RERE: variants seen among roughly 807,000 people sequenced by gnomAD.
The protein encoded by RERE is arginine-glutamic acid dipeptide repeats protein.
A neutral mutation model predicts 146.1 loss-of-function variants in RERE; 40 were observed. The observed-to-expected ratio is 0.27, with a 90% confidence interval of 0.21 to 0.36. RERE has a LOEUF of 0.36. Among genes scored for constraint, RERE ranks in the 10% least tolerant of loss-of-function variants. The probability of loss-of-function intolerance (pLI) is 1.00; values close to 1 mark genes in which losing one functional copy is unlikely to be tolerated. For missense variants in RERE, 1,933 were observed against 2,138.7 expected (o/e 0.90, Z 1.90); for synonymous variants, 1,003 against 866.0 (o/e 1.16, Z -2.78).
chr1:8,386,114 G>T (rs1409416727), intron 12 of RERE, among the ~76,000 whole-genome samples: 10 of 126,492 alleles, frequency 7.9e-5, no homozygotes, highest in African/African-American at 3.0e-4. Flanking sequence ...TGTAGGTGAA[G>T]ACAAAAATTT....
At chr1:8,788,407 C>T (rs1641299334) in intron 1 of RERE, among the ~76,000 whole-genome samples, 2 of 150,002 alleles carry the variant, frequency 1.3e-5, no homozygotes, top group South Asian at 4.2e-4. Context: ...TCTTGTTGCC[C>T]AGGCTGGAGC....
chr1:8,570,114 G>A (rs897515507), intron 4 of RERE, among the ~76,000 whole-genome samples: 5 of 152,070 alleles, frequency 3.3e-5, no homozygotes, highest in Admixed American at 1.3e-4. Context: ...TGAGGCGGGC[G>A]GATCACGAGG....
rs115826236 is a variant in RERE, at chr1:8,596,014, C to G, written c.522+18547G>C. Among the ~76,000 whole-genome samples the G allele has an allele frequency of 8.0e-3, 1,215 of 152,292 alleles. 13 individuals are homozygous for G. Among genetic ancestry groups the G allele is most frequent in the African/African-American group, 0.028 (1,161 of 41,552 alleles). On this transcript the variant is annotated intron_variant, in intron 4 of 22. Transcript: ENST00000400908. ...AGGCCCACAGGCCATGTCCAGACACCACCTGGACTCTACTGATCCACTAGA... is the reference window on the plus strand; with the variant it reads ...AGGCCCACAGGCCATGTCCAGACACGACCTGGACTCTACTGATCCACTAGA...
At chr1:8,551,327 A>AGATCCTTG (rs1274596295) in intron 6 of RERE, among the ~76,000 whole-genome samples, 1 of 152,202 alleles carries the variant, frequency 6.6e-6, no homozygotes, top group African/African-American at 2.4e-5. Flanking sequence ...CAATCACTCC[A>AGATCCTTG]GATCCTTGGA....
At chr1:8,775,949 C>T (rs1356566603) in intron 1 of RERE, among the ~76,000 whole-genome samples, 3 of 152,170 alleles carry the variant, frequency 2.0e-5, no homozygotes, top group East Asian at 3.9e-4. Context: ...TAAACCCAGG[C>T]GGTCTTGGAT....
At chr1:8,571,411 A>G (rs1020054119) in intron 4 of RERE, among the ~76,000 whole-genome samples, 5 of 152,316 alleles carry the variant, frequency 3.3e-5, no homozygotes, top group Admixed American at 2.6e-4. Context: ...AGCAACACAA[A>G]TATTTGCACT....
intron 1 of RERE, among the ~76,000 whole-genome samples, chr1:8,792,994 TACA>T (rs2124577926): frequency 6.6e-6 from 1 of 151,756 alleles, no homozygotes; most frequent in East Asian, 1.9e-4. Context: ...CCGTTTCTAC[TACA>T]AATACAAAAA....
chr1:8,500,057 G>T (rs1645108972), intron 8 of RERE, among the ~76,000 whole-genome samples: 1 of 152,170 alleles, frequency 6.6e-6, no homozygotes, highest in Non-Finnish European at 1.5e-5. Context: ...GGAGGCGGAG[G>T]TTCCCGTGAG....
At chr1:8,765,883 C>T (rs1443172865) in intron 1 of RERE, among the ~76,000 whole-genome samples, 2 of 152,028 alleles carry the variant, frequency 1.3e-5, no homozygotes, top group Non-Finnish European at 1.5e-5. Flanking sequence ...ACCAGGGAGT[C>T]GGAGGTTGCA....
chr1:8,371,088 G>A (rs1185867910), intron 12 of RERE, among the ~76,000 whole-genome samples: 1 of 152,218 alleles, frequency 6.6e-6, no homozygotes, highest in East Asian at 1.9e-4. Flanking sequence ...AACTGGTTTA[G>A]TGCCTGGGCA....
chr1:8,732,970 C>T (rs540898264), intron 1 of RERE, among the ~76,000 whole-genome samples: 1,702 of 151,678 alleles, frequency 0.011, 12 homozygotes, highest in Non-Finnish European at 0.018. Flanking sequence ...TACAGGCGCC[C>T]GCCACTACGC....
chr1:8,657,044 T>C (rs1638332278), intron 1 of RERE, among the ~76,000 whole-genome samples: 1 of 152,218 alleles, frequency 6.6e-6, no homozygotes, highest in Admixed American at 6.5e-5. Context: ...GGCTCACGCC[T>C]GTAATCCCAG....
At chr1:8,467,525 G>A (rs144024864) in intron 10 of RERE, among the ~76,000 whole-genome samples, 214 of 152,330 alleles carry the variant, frequency 1.4e-3, no homozygotes, top group African/African-American at 4.9e-3. Flanking sequence ...CAGTAAGCTG[G>A]CAGTGGTAAA....
At chr1:8,744,366 A>G (rs947165605) in intron 1 of RERE, among the ~76,000 whole-genome samples, 3 of 152,234 alleles carry the variant, frequency 2.0e-5, no homozygotes, top group African/African-American at 7.2e-5. Context: ...CACTTATAAC[A>G]TTATGAGGGT....
intron 1 of RERE, among the ~76,000 whole-genome samples, chr1:8,808,836 T>C (rs1641737869): frequency 6.6e-6 from 1 of 152,136 alleles, no homozygotes; most frequent in South Asian, 2.1e-4. Flanking sequence ...AATTGGTGTT[T>C]AAACAAAGTA....
chr1:8,711,700 T>TG (rs1639671712), intron 1 of RERE, among the ~76,000 whole-genome samples: 2 of 152,218 alleles, frequency 1.3e-5, no homozygotes, highest in East Asian at 3.8e-4. Flanking sequence ...TTTGAACTGA[T>TG]GATATATGAT....
At chr1:8,526,080 C>T in intron 7 of RERE, 1 of 1,152,110 alleles carries the variant, frequency 8.7e-7, no homozygotes, top group Non-Finnish European at 1.1e-6. Context: ...AGCCAACAGA[C>T]TCTGCAGCTT....
chr1:8,360,955 G>A lies in RERE; in HGVS notation c.2552C>T (p.Pro851Leu). ...AGCCTGCAGGCTGTGAGGGCCGGGT[G>A]GGCCCTGACCGTGCAGTGGGGGCTG... The part of the protein sequence containing the change: ...HAQPPLHGQG[P>L]PGPHSLQAGP... Residue 851 changes from proline (P) to leucine (L), a missense_variant, in exon 18 of 23, where the codon CCA becomes CTA. Pro to Leu is a moderately conservative substitution (Grantham distance 98, BLOSUM62 -3). Around this residue, in one of 11 missense-constraint regions of RERE, gnomAD observed 1,255 missense variants for 1,153.8 expected, o/e 1.09. Transcript: ENST00000400908. The A allele has an allele frequency of 4.1e-6, 6 of 1,454,922 alleles. No homozygotes were observed. The highest frequency in any genetic ancestry group is 5.4e-6 in the Non-Finnish European group (6 of 1,111,294). The allele number at this position is 1,454,922 out of a possible 1,614,324, so 90.1% of individuals were successfully genotyped here.
chr1:8,440,588 T>TAAA, intron 11 of RERE, among the ~76,000 whole-genome samples: 1 of 71,456 alleles, frequency 1.4e-5, no homozygotes, highest in Admixed American at 1.7e-4. Flanking sequence ...AGACTCCACC[T>TAAA]AAAAAAAAAA....
Sources: allele counts gnomAD v4.1 joint callset (sites outside exome capture counted in the v4.1 genomes callset), GRCh38; gene constraint gnomAD v4.1.1; regional missense constraint gnomAD v4.1.1; transcripts MANE v1.5; gene names NCBI Gene and HGNC (gene_info 2026-07-23, HGNC 2026-07-21).